Variants in TRPV1 observed in about 807,000 individuals in gnomAD.
TRPV1 encodes OTRPC1.
A neutral mutation model predicts 82.3 loss-of-function variants in TRPV1; 82 were observed. The ratio of observed to expected loss-of-function variants is 1.00; its 90% confidence interval spans 0.83 to 1.20. The LOEUF (loss-of-function observed/expected upper bound fraction) is 1.20. Among genes scored for constraint, TRPV1 ranks in the 50% most tolerant of loss-of-function variants. The pLI is 0.00. For synonymous variants in TRPV1, 515 were observed against 467.7 expected (o/e 1.10, Z -1.30); for missense variants, 1,067 against 1,096.8 (o/e 0.97, Z 0.38).
intron 2 of TRPV1, among the ~76,000 whole-genome samples, chr17:3,607,640 G>A (rs1231297194): frequency 1.3e-5 from 2 of 151,120 alleles, no homozygotes; most frequent in Admixed American, 6.6e-5. Context: ...GAGCTCAAGC[G>A]ATTCTCCTGC....
At chr17:3,578,028 G>A (rs1196498639) in intron 11 of TRPV1, 1 of 320,736 alleles carries the variant, frequency 3.1e-6, no homozygotes, top group African/African-American at 2.1e-5. Context: ...CTAAAGGCCA[G>A]GCGCAGTAGC....
intron 2 of TRPV1, among the ~76,000 whole-genome samples, chr17:3,607,514 TAAC>T (rs966804962): frequency 6.0e-5 from 9 of 149,534 alleles, no homozygotes; most frequent in Non-Finnish European, 1.0e-4. Flanking sequence ...AGTAAGAGAT[TAAC>T]AACAACAATA....
intron 16 of TRPV1, among the ~76,000 whole-genome samples, chr17:3,568,791 C>T (rs977924745): frequency 6.6e-6 from 1 of 152,030 alleles, no homozygotes; most frequent in South Asian, 2.1e-4. Context: ...CCTGTCATCC[C>T]AACACTTTGG....
intron 9 of TRPV1, 34 bp downstream of exon 9, chr17:3,585,734 C>T (rs778979080): frequency 3.7e-6 from 6 of 1,600,578 alleles, no homozygotes; most frequent in Non-Finnish European, 5.1e-6. Flanking sequence ...ACCACCCACA[C>T]CCTCGCCCAC....
In TRPV1 at chr17:3,565,894, G is replaced by C. The variant is rs201560725; in HGVS notation, c.*921C>G. ...TAATAATATAAAATCAAAGAAGGCC[G>C]AGCGCAGCGGCTCACACCTGTAATC... is the stretch of plus-strand genomic sequence containing the variant. On this transcript the variant is annotated 3_prime_UTR_variant, in exon 17 of 17. Transcript: ENST00000572705. 1 of 152,230 alleles carries C rather than the reference G, an allele frequency of 6.6e-6. No homozygotes were observed. The highest frequency in any genetic ancestry group is 6.6e-5 in the Admixed American group (1 of 15,264). 9.4% of individuals were successfully genotyped at this position (152,230 alleles called of 1,614,324 possible).
intron 15 of TRPV1, 102 bp downstream of exon 15, chr17:3,572,020 T>C: frequency 6.9e-7 from 1 of 1,453,804 alleles, no homozygotes; most frequent in Non-Finnish European, 9.3e-7. Context: ...GAGCCCCCTG[T>C]GCTCATGACC....
rs372806117 is a variant in TRPV1, at chr17:3,600,997, A to C, written c.-34+7430T>G. On this transcript the variant is annotated intron_variant, in intron 2 of 16. Coordinates refer to ENST00000572705, the MANE Select transcript of TRPV1 (RefSeq NM_080704.4). ...CCTGAGCTCCATCCCTGCCTCCCTG[A>C]ATCTGCAGGTGAAGCCCACAAGCCC... Among the ~76,000 whole-genome samples the C allele has an allele frequency of 1.2e-3, 184 of 152,088 alleles. 1 individual carries two copies. Among genetic ancestry groups the C allele is most frequent in the African/African-American group, 4.3e-3 (178 of 41,480 alleles).
At position 3,577,693 on chromosome 17, in the gene TRPV1, A is replaced by C. The variant is rs2074953214; in HGVS notation, c.1618T>G (p.Ser540Ala). ...YFSHLKEYVASMVFSLALGWT... is the reference protein window; with the variant it reads ...YFSHLKEYVAAMVFSLALGWT... The stretch of plus-strand genomic sequence containing the variant: ...CCCAAGGCCAGGGAGAATACCATGG[A>C]AGCCACATACTCCTTGAGGTGGCTG... The change falls in exon 12 of 17, where the codon TCC becomes GCC. Residue 540 changes from serine (S) to alanine (A), a missense_variant. Physicochemically the swap from Ser to Ala is moderately conservative, Grantham distance 99. Transcript: ENST00000572705. 3 of 1,589,560 alleles carry C rather than the reference A, an allele frequency of 1.9e-6. No homozygotes were observed. The East Asian group carries it at 6.9e-5, about 36-fold the overall frequency.
intron 2 of TRPV1, among the ~76,000 whole-genome samples, chr17:3,606,314 A>G (rs2075295896): frequency 6.6e-6 from 1 of 152,124 alleles, no homozygotes; most frequent in African/African-American, 2.4e-5. Flanking sequence ...TGAGAACTCT[A>G]CACCACACTG....
chr17:3,572,278 C>T, intron 14 of TRPV1, 29 bp from the exon 15 acceptor site: 1 of 1,586,380 alleles, frequency 6.3e-7, no homozygotes, highest in East Asian at 2.3e-5. Context: ...GGCAGAGGAG[C>T]TGAGGGGCAG....
intron 13 of TRPV1, 101 bp downstream of exon 13, chr17:3,577,025 C>G (rs2074941610): frequency 8.0e-7 from 1 of 1,245,848 alleles, no homozygotes. Flanking sequence ...AGACATGCAC[C>G]TGCCTACCCA....
At chr17:3,574,718 G>A (rs1033804133) in intron 13 of TRPV1, among the ~76,000 whole-genome samples, 1 of 152,164 alleles carries the variant, frequency 6.6e-6, no homozygotes, top group Admixed American at 6.5e-5. Flanking sequence ...GGAGGCTGAG[G>A]CAGGCGGATC....
chr17:3,585,723 C>T (rs1005417921), intron 9 of TRPV1, 45 bp downstream of exon 9: 2 of 1,588,706 alleles, frequency 1.3e-6, no homozygotes, highest in African/African-American at 1.3e-5. Context: ...ACCCCTTCCC[C>T]ACCACCCACA....
intron 2 of TRPV1, among the ~76,000 whole-genome samples, chr17:3,595,293 G>T (rs903820560): frequency 2.0e-5 from 3 of 152,094 alleles, no homozygotes; most frequent in Admixed American, 1.3e-4. Flanking sequence ...GTTATGGCAC[G>T]TCCCCGAGGT....
intron 5 of TRPV1, 36 bp from the exon 6 acceptor site, chr17:3,590,428 G>A (rs200299547): frequency 1.1e-5 from 18 of 1,602,326 alleles, no homozygotes; most frequent in Admixed American, 1.7e-5. Flanking sequence ...TCGTGGTCAC[G>A]GTCCTGTGGG....
chr17:3,598,889 T>G (rs1483106827), intron 2 of TRPV1, among the ~76,000 whole-genome samples: 1 of 151,114 alleles, frequency 6.6e-6, no homozygotes, highest in African/African-American at 2.4e-5. Context: ...GTTTATGCTA[T>G]GTGTGTCATG....
At chr17:3,607,269 G>A (rs986141156) in intron 2 of TRPV1, among the ~76,000 whole-genome samples, 2 of 151,846 alleles carry the variant, frequency 1.3e-5, no homozygotes, top group African/African-American at 4.8e-5. Flanking sequence ...GCTTGAACCC[G>A]GGAGGTGGAG....
At chr17:3,594,693 C>A (rs901773716) in intron 2 of TRPV1, among the ~76,000 whole-genome samples, 1 of 152,246 alleles carries the variant, frequency 6.6e-6, no homozygotes, top group Non-Finnish European at 1.5e-5. Context: ...CAATACCTAT[C>A]TACTGAGTCC....
chr17:3,574,060 A>C (rs1292354157), intron 13 of TRPV1, 105 bp from the exon 14 acceptor site: 2 of 1,044,464 alleles, frequency 1.9e-6, no homozygotes, highest in African/African-American at 3.2e-5. Flanking sequence ...CTTTGTGACA[A>C]GTTATTTTTA....
Sources: gnomAD v4.1 joint callset for allele counts (sites outside exome capture counted in the v4.1 genomes callset) on GRCh38, gnomAD v4.1.1 for gene constraint, MANE v1.5 for transcripts, NCBI Gene and HGNC (gene_info 2026-07-23, HGNC 2026-07-21) for gene names.